Variants in TMEM268 observed in about 807,000 individuals in gnomAD.
TMEM268 encodes transmembrane protein 268, also known as transmembrane protein C9orf91.
Under a neutral mutation model 39.1 loss-of-function variants are expected in TMEM268, and 24 were observed. That is an observed-to-expected ratio of 0.61 (90% confidence interval 0.44 to 0.86). TMEM268 has a LOEUF of 0.86. Ranked by LOEUF, TMEM268 falls within the 40% of genes least tolerant of loss-of-function variation. TMEM268 has a pLI of 0.00. For synonymous variants in TMEM268, 176 were observed against 173.5 expected (o/e 1.01, Z -0.12); for missense variants, 409 against 428.6 (o/e 0.95, Z 0.40).
At chr9:114,624,245 G>A (rs1266789683) in intron 2 of TMEM268, 105 bp from the exon 3 acceptor site, 2 of 1,506,012 alleles carry the variant, frequency 1.3e-6, no homozygotes, top group East Asian at 5.1e-5. Flanking sequence ...CTTGTTGCGA[G>A]GAGGTTCTCA....
chr9:114,624,358 A>G lies in TMEM268; in HGVS notation c.115A>G (p.Asn39Asp). 6.2e-7 allele frequency: 1 copy of G among 1,601,090 alleles called. No homozygotes were observed. The highest frequency in any genetic ancestry group is 8.5e-7 in the Non-Finnish European group (1 of 1,173,096). Residue 39 changes from asparagine (N) to aspartate (D), a missense_variant, in exon 3 of 9, where the codon AAT becomes GAT. By Grantham distance (23) the Asn-to-Asp change is conservative. Coordinates refer to ENST00000288502, the MANE Select transcript of TMEM268 (RefSeq NM_153045.4). ...TTCTGGTCTGCTTCCAGAGCTCCACAATGGCCAGGTCCTCACTGTTCTCCG... is the reference window on the plus strand; with the variant it reads ...TTCTGGTCTGCTTCCAGAGCTCCACGATGGCCAGGTCCTCACTGTTCTCCG... ...SPPGWGQELH[N>D]GQVLTVLRID...
At chr9:114,605,377 G>A in the TMEM268 span, among the ~76,000 whole-genome samples, 2,246 of 151,924 alleles carry the variant, frequency 0.015, 19 homozygotes, top group Non-Finnish European at 0.024. Flanking sequence ...CAAATACATG[G>A]GTCTTAAGAG....
chr9:114,627,368 T>G (rs575486392), intron 4 of TMEM268, among the ~76,000 whole-genome samples: 20 of 152,338 alleles, frequency 1.3e-4, no homozygotes, highest in African/African-American at 4.6e-4. Context: ...ATTTCAGCTC[T>G]ATTCATATAT....
At chr9:114,622,974 C>T (rs1846006304) in intron 2 of TMEM268, among the ~76,000 whole-genome samples, 3 of 151,874 alleles carry the variant, frequency 2.0e-5, no homozygotes, top group African/African-American at 7.3e-5. Flanking sequence ...CCTGTAATCC[C>T]AGCTACTTGA....
the TMEM268 span, among the ~76,000 whole-genome samples, chr9:114,604,932 C>A: frequency 6.6e-6 from 1 of 152,200 alleles, no homozygotes; most frequent in Non-Finnish European, 1.5e-5. Context: ...GAAGTCCCAT[C>A]AGATCAGCCT....
At chr9:114,607,108 G>T (rs1845375762), upstream of TMEM268, among the ~76,000 whole-genome samples, 1 of 152,248 alleles carries the variant, frequency 6.6e-6, no homozygotes, top group African/African-American at 2.4e-5. Context: ...CAACTGCTGA[G>T]TAAGGGTGGC....
rs1457759293 is a variant in TMEM268, at chr9:114,643,096, C to T, written c.850-38C>T. On this transcript the variant is annotated intron_variant, in intron 8 of 8. Coordinates refer to ENST00000288502, the MANE Select transcript of TMEM268 (RefSeq NM_153045.4). ...CTAAGCCCTTTTTCCTCAAGGGGCT[C>T]CCCTGTGGTATTCAATCTGCTTCCC... 3.1e-6 allele frequency: 5 copies of T among 1,611,092 alleles called. No homozygotes were observed. The South Asian group carries it at 5.5e-5, about 18-fold the overall frequency.
At chr9:114,614,980 T>C (rs1346171622) in intron 1 of TMEM268, among the ~76,000 whole-genome samples, 2 of 150,480 alleles carry the variant, frequency 1.3e-5, no homozygotes, top group African/African-American at 4.9e-5. Flanking sequence ...CACTGCAGTC[T>C]CTGCCTCCCG....
chr9:114,638,917 G>A (rs543130191), intron 8 of TMEM268, among the ~76,000 whole-genome samples, 191 bp downstream of exon 8: 1 of 152,232 alleles, frequency 6.6e-6, no homozygotes, highest in East Asian at 1.9e-4. Flanking sequence ...TTAACAGGAA[G>A]CATTTTATAT....
At chr9:114,610,554 G>T (rs1032154135), upstream of TMEM268, among the ~76,000 whole-genome samples, 2 of 152,150 alleles carry the variant, frequency 1.3e-5, no homozygotes, top group Admixed American at 1.3e-4. Context: ...GTACATATGT[G>T]CTCTAAGGAA....
At chr9:114,633,724 A>G in intron 5 of TMEM268, 44 bp from the exon 6 acceptor site, 8 of 1,099,686 alleles carry the variant, frequency 7.3e-6, no homozygotes, top group Non-Finnish European at 9.2e-6. Context: ...GGAGCTCCCC[A>G]GTAGCATGGA....
intron 7 of TMEM268, among the ~76,000 whole-genome samples, chr9:114,637,768 C>T (rs902541258): frequency 6.6e-6 from 1 of 152,198 alleles, no homozygotes; most frequent in Non-Finnish European, 1.5e-5. Flanking sequence ...CTGTTACCGG[C>T]CTGTGGTCAT....
intron 1 of TMEM268, among the ~76,000 whole-genome samples, chr9:114,614,641 T>G (rs1015298707): frequency 2.6e-5 from 4 of 152,230 alleles, no homozygotes; most frequent in African/African-American, 9.6e-5. Flanking sequence ...GACTGGCCAC[T>G]TCATATCTTC....
At chr9:114,631,246 T>A (rs1846379651) in intron 5 of TMEM268, among the ~76,000 whole-genome samples, 2 of 141,916 alleles carry the variant, frequency 1.4e-5, no homozygotes, top group Admixed American at 7.6e-5. Context: ...AAGGCTGCAG[T>A]GAGCTCTGAT....
At chr9:114,616,017 C>CTTT (rs58289502) in intron 1 of TMEM268, among the ~76,000 whole-genome samples, 4 of 121,300 alleles carry the variant, frequency 3.3e-5, no homozygotes, top group Admixed American at 8.6e-5. Flanking sequence ...TTTTTCTTTT[C>CTTT]TTTTTTTTTT....
chr9:114,604,059 C>G, the TMEM268 span, among the ~76,000 whole-genome samples: 1 of 151,576 alleles, frequency 6.6e-6, no homozygotes, highest in Non-Finnish European at 1.5e-5. Flanking sequence ...GGTTAAGGAA[C>G]CAGCCCAAGG....
rs1827437824 is a variant in TMEM268 at position 114,643,282 on chromosome 9, G to A, written c.998G>A (p.Gly333Asp). ...PCQLIEAYIL[G>D]TGCCPFLAR ...CAGCTCATAGAAGCCTACATCCTAG[G>A]CACAGGGTGCTGCCCGTTCCTGGCG... Residue 333 changes from glycine (G) to aspartate (D), a missense_variant, in exon 9 of 9, where the codon GGC (glycine) becomes GAC (aspartate). By Grantham distance (94) the Gly-to-Asp change is moderately conservative (BLOSUM62 -1). Transcript: ENST00000288502. The A allele has an allele frequency of 1.2e-6, 2 of 1,614,138 alleles. No homozygotes were observed. The highest frequency in any genetic ancestry group is 4.5e-5 in the East Asian group (2 of 44,880).
At chr9:114,613,568 A>C (rs1056207431) in intron 1 of TMEM268, among the ~76,000 whole-genome samples, 11 of 152,184 alleles carry the variant, frequency 7.2e-5, no homozygotes, top group Non-Finnish European at 1.3e-4. Context: ...TTGTTGGTAC[A>C]GGAAGAAAGT....
intron 8 of TMEM268, among the ~76,000 whole-genome samples, chr9:114,641,832 G>T (rs1317446318): frequency 4.0e-5 from 6 of 151,418 alleles, no homozygotes; most frequent in African/African-American, 4.9e-5. Context: ...TAGAGACGGG[G>T]TTTCACCATG....
Sources: gnomAD v4.1 joint callset for allele counts (sites outside exome capture counted in the v4.1 genomes callset) on GRCh38, gnomAD v4.1.1 for gene constraint, MANE v1.5 for transcripts, NCBI Gene and HGNC (gene_info 2026-07-23, HGNC 2026-07-21) for gene names.